TIAL1: variants seen among roughly 807,000 people sequenced by gnomAD.
TIAL1 encodes the protein TIA1 cytotoxic granule associated RNA binding protein like 1.
In TIAL1, 7 loss-of-function variants were observed where a neutral mutation model predicts 59.7. That is an observed-to-expected ratio of 0.12 (90% CI 0.07 to 0.22). The LOEUF (loss-of-function observed/expected upper bound fraction) is 0.22. Among genes scored for constraint, TIAL1 ranks in the 10% least tolerant of loss-of-function variants. TIAL1 has a pLI of 1.00. For missense variants in TIAL1, 225 were observed against 462.5 expected, an observed-to-expected ratio of 0.49 and a Z score of 4.71; for synonymous variants, 149 against 146.3, an observed-to-expected ratio of 1.02 and a Z score of -0.13.
At chr10:119,583,939 G>GAA (rs2133976618) in intron 2 of TIAL1, among the ~76,000 whole-genome samples, 1 of 152,304 alleles carries the variant, frequency 6.6e-6, no homozygotes, top group East Asian at 1.9e-4. Context: ...ATTCATTGAA[G>GAA]AAAGGACATC....
chr10:119,583,101 T>C lies in TIAL1; in HGVS notation c.130-544A>G, dbSNP rs371210262. ...ATTTTATTGATTTCTTTTCTGGATA[T>C]GGAAAGAATGAAAATAAAAACAAGA... On this transcript the variant is annotated intron_variant, in intron 2 of 11. Transcript: ENST00000436547. Among the ~76,000 whole-genome samples, 4 of 152,114 alleles carry C rather than the reference T, an allele frequency of 2.6e-5. No homozygotes were observed. In the East Asian group the frequency reaches 5.8e-4, roughly 22 times the overall value.
At chr10:119,585,930 G>A (rs1016341233) in intron 2 of TIAL1, among the ~76,000 whole-genome samples, 15 of 152,102 alleles carry the variant, frequency 9.9e-5, no homozygotes, top group African/African-American at 3.6e-4. Flanking sequence ...TGGTTTTCCT[G>A]TTTCCTCACT....
At position 119,577,554 on chromosome 10, in the gene TIAL1, A is replaced by G. The variant is rs368489602; in HGVS notation, c.653-19T>C. ...AGCTGATCTATAAAACAAAACATAC[A>G]AATAAAACATGGCTGATGTGTATCA... On this transcript the variant is annotated intron_variant, in intron 8 of 11. Transcript: ENST00000436547. The G allele has an allele frequency of 6.2e-7, 1 of 1,611,320 alleles. No individual in the cohort carries two copies. The highest frequency in any genetic ancestry group is 2.2e-5 in the East Asian group (1 of 44,850).
Position 119,574,603 on chromosome 10 carries a change from A to AAAAAC in TIAL1, c.*1057_*1061dup, listed in dbSNP as rs1564729387. The AAAAAC allele has an allele frequency of 6.9e-6, 1 of 144,104 alleles. No individual in the cohort carries two copies. Among genetic ancestry groups the AAAAAC allele is most frequent in the Non-Finnish European group, 1.5e-5 (1 of 66,776 alleles). The allele number at this position is 144,104 out of a possible 1,614,324, so 8.9% of individuals were successfully genotyped here. On this transcript the variant is annotated 3_prime_UTR_variant, in exon 12 of 12. Coordinates refer to ENST00000436547, the MANE Select transcript of TIAL1 (RefSeq NM_003252.4). Reference sequence around the variant, plus strand: ...ATGTAAAGCAAAAAAAAAAAAAAAAAAAAACAAAAACAAAAAACTAATTCC... The same window carrying AAAAAC: ...ATGTAAAGCAAAAAAAAAAAAAAAAAAAAACAAAACAAAAACAAAAAACTAATTCC...
chr10:119,588,056 C>A, intron 2 of TIAL1, 96 bp downstream of exon 2: 1 of 660,938 alleles, frequency 1.5e-6, no homozygotes, highest in Non-Finnish European at 2.3e-6. Context: ...ACAAATCTCT[C>A]CACCAGAATA....
At chr10:119,590,907 G>C (rs964026079) in intron 1 of TIAL1, among the ~76,000 whole-genome samples, 1 of 151,996 alleles carries the variant, frequency 6.6e-6, no homozygotes, top group Non-Finnish European at 1.5e-5. Context: ...AAGAAGGATG[G>C]ATAAAACTGG....
At chr10:119,593,392 A>C in intron 1 of TIAL1, 1 of 848,034 alleles carries the variant, frequency 1.2e-6, no homozygotes, top group Non-Finnish European at 1.4e-6. Flanking sequence ...AATTCTTGCC[A>C]CTTTAAATAC....
intron 5 of TIAL1, chr10:119,580,872 CT>C: frequency 8.2e-7 from 1 of 1,213,492 alleles, no homozygotes; most frequent in African/African-American, 1.6e-5. Flanking sequence ...AATGCTATTA[CT>C]TTTAATTGTG....
rs960330448 is a variant in TIAL1, at chr10:119,573,703, G to A, written c.*1962C>T. 3.3e-5 allele frequency: 5 copies of A among 152,490 alleles called. No homozygotes were observed. Among genetic ancestry groups the A allele is most frequent in the Non-Finnish European group, 5.9e-5 (4 of 68,018 alleles). 9.4% of individuals were successfully genotyped at this position (152,490 alleles called of 1,614,324 possible). On this transcript the variant is annotated 3_prime_UTR_variant, in exon 12 of 12. Coordinates refer to ENST00000436547, the MANE Select transcript of TIAL1 (RefSeq NM_003252.4). Reference sequence around the variant, plus strand: ...GCACAGTTAACATAATTTATTGAGTGTTCTCCCTATAAAATATAAATTAAC... The same window carrying A: ...GCACAGTTAACATAATTTATTGAGTATTCTCCCTATAAAATATAAATTAAC...
Position 119,582,315 on chromosome 10 carries a change from T to C in TIAL1, c.229-92A>G. Reference sequence around the variant, plus strand: ...TTAAATCATTTATCAAGCAGGGTTATTTTTGTAAAAGCACTAAGCTGAATA... The same window carrying C: ...TTAAATCATTTATCAAGCAGGGTTACTTTTGTAAAAGCACTAAGCTGAATA... On this transcript the variant is annotated intron_variant, in intron 3 of 11. Transcript: ENST00000436547. The surrounding 1 kb of genome is among the most constrained non-coding windows in gnomAD (Gnocchi z 5.1). 6.8e-7 allele frequency: 1 copy of C among 1,476,022 alleles called. No individual in the cohort carries two copies. The highest frequency in any genetic ancestry group is 9.1e-7 in the Non-Finnish European group (1 of 1,094,782). 91.4% of individuals were successfully genotyped at this position (1,476,022 alleles called of 1,614,324 possible).
rs1263673796 is a variant in TIAL1 at position 119,575,322 on chromosome 10, A to G, written c.*343T>C. 4.9e-6 allele frequency: 1 copy of G among 203,850 alleles called. No homozygotes were observed. Among genetic ancestry groups the G allele is most frequent in the Non-Finnish European group, 1.0e-5 (1 of 99,394 alleles). The allele number at this position is 203,850 out of a possible 1,614,324, so 12.6% of individuals were successfully genotyped here. ...TCTTTTAAAAACACAGTGAGTTAAA[A>G]TACTGAACAGCAAGATAAAAATGGA... is the stretch of plus-strand genomic sequence containing the variant. On this transcript the variant is annotated 3_prime_UTR_variant, in exon 12 of 12. Transcript: ENST00000436547.
At chr10:119,583,753 G>GA (rs1383536253) in intron 2 of TIAL1, among the ~76,000 whole-genome samples, 1 of 152,014 alleles carries the variant, frequency 6.6e-6, no homozygotes, top group Non-Finnish European at 1.5e-5. Context: ...TTCCTTGAGG[G>GA]AAAAAAAGTG....
At chr10:119,589,776 A>G (rs1206978088) in intron 1 of TIAL1, among the ~76,000 whole-genome samples, 2 of 152,246 alleles carry the variant, frequency 1.3e-5, no homozygotes, top group African/African-American at 4.8e-5. Flanking sequence ...ATTTATCTAA[A>G]TAAATTGCCA....
chr10:119,588,543 C>T (rs144556366), intron 1 of TIAL1, among the ~76,000 whole-genome samples: 686 of 152,210 alleles, frequency 4.5e-3, no homozygotes, highest in Non-Finnish European at 7.1e-3. Context: ...AGGGTTTCAT[C>T]GTATTGGTCA....
At position 119,588,132 on chromosome 10, in the gene TIAL1, T is replaced by C. The variant is rs369297027; in HGVS notation, c.129+20A>G. 7 of 1,431,302 alleles carry C rather than the reference T, an allele frequency of 4.9e-6. No individual in the cohort carries two copies. The highest frequency in any genetic ancestry group is 5.6e-6 in the Non-Finnish European group (6 of 1,063,246). The allele number at this position is 1,431,302 out of a possible 1,614,324, so 88.7% of individuals were successfully genotyped here. A position where few individuals can be genotyped will look rare whatever the true frequency, so the allele number is the denominator to read the frequency against. ...ACCCATCATGCTAATTGTCAGCACA[T>C]GGAACTGGGAAGATCTTACCTCTGT... is the stretch of plus-strand genomic sequence containing the variant. On this transcript the variant is annotated intron_variant, in intron 2 of 11. Transcript: ENST00000436547.
intron 1 of TIAL1, among the ~76,000 whole-genome samples, chr10:119,594,257 G>T (rs1252343349): frequency 6.6e-6 from 1 of 152,214 alleles, no homozygotes; most frequent in Non-Finnish European, 1.5e-5. Flanking sequence ...AGAGATTAGA[G>T]AAGGTAGAGG....
At chr10:119,591,234 T>C (rs1019673495) in intron 1 of TIAL1, among the ~76,000 whole-genome samples, 1 of 151,924 alleles carries the variant, frequency 6.6e-6, no homozygotes, top group Non-Finnish European at 1.5e-5. Context: ...TGAAACCCCG[T>C]CTCTACTAAA....
At chr10:119,593,631 T>C (rs1035255476) in intron 1 of TIAL1, 1 of 258,892 alleles carries the variant, frequency 3.9e-6, no homozygotes. Context: ...ACCTAATCCA[T>C]AGCTCACAAT....
At chr10:119,587,061 T>C (rs1403066425) in intron 2 of TIAL1, among the ~76,000 whole-genome samples, 1 of 152,126 alleles carries the variant, frequency 6.6e-6, no homozygotes, top group Non-Finnish European at 1.5e-5. Context: ...GAAGGAAAAA[T>C]ATAATACACC....
Sources: gnomAD v4.1 joint callset for allele counts (sites outside exome capture counted in the v4.1 genomes callset) on GRCh38, gnomAD v4.1.1 for gene constraint, Gnocchi (gnomAD v3.1) non-coding constraint, MANE v1.5 for transcripts, NCBI Gene and HGNC (gene_info 2026-07-23, HGNC 2026-07-21) for gene names.